The following SOX5 variants were observed in gnomAD, a reference collection of about 807,000 sequenced individuals.
SOX5 encodes the protein transcription factor SOX-5.
SOX5 carries 9 observed loss-of-function variants against 92.0 expected under a neutral mutation model. The ratio of observed to expected loss-of-function variants is 0.10; its 90% confidence interval spans 0.06 to 0.17. The LOEUF (loss-of-function observed/expected upper bound fraction) is 0.17. SOX5 is among the 10% of genes least tolerant of loss of function. SOX5 has a pLI of 1.00. For synonymous variants in SOX5, 344 were observed against 336.3 expected (o/e 1.02, Z -0.25); for missense variants, 642 against 944.5 (o/e 0.68, Z 4.20).
chr12:24,511,464 A>C (rs534937184), intron 1 of SOX5, among the ~76,000 whole-genome samples: 1 of 152,304 alleles, frequency 6.6e-6, no homozygotes, highest in Non-Finnish European at 1.5e-5. Context: ...ATCAAACTGC[A>C]TCAATGTATT....
At chr12:23,620,303 A>G (rs994194780) in intron 8 of SOX5, among the ~76,000 whole-genome samples, 1 of 152,118 alleles carries the variant, frequency 6.6e-6, no homozygotes, top group Non-Finnish European at 1.5e-5. Context: ...AATAAGAGGA[A>G]TGACAGAATT....
At chr12:24,507,176 A>C (rs114385999) in intron 1 of SOX5, among the ~76,000 whole-genome samples, 1 of 152,056 alleles carries the variant, frequency 6.6e-6, no homozygotes, top group Non-Finnish European at 1.5e-5. Context: ...ATAATCATCA[A>C]TGGATTAAAC....
chr12:23,578,171 C>T (rs1277777136), intron 9 of SOX5, among the ~76,000 whole-genome samples: 1 of 128,148 alleles, frequency 7.8e-6, no homozygotes, highest in South Asian at 2.6e-4. Flanking sequence ...AATATTATCC[C>T]TAATTGTTCA....
rs535013761 is a variant in SOX5 at position 23,655,014 on chromosome 12, A to T, written c.931+10430T>A. On this transcript the variant is annotated intron_variant, in intron 7 of 14. Transcript: ENST00000451604. ...TTATGACGTCTTAATGTAGCATAGC[A>T]AATGAAAACTTTATCCTATTTAATT... Among the ~76,000 whole-genome samples the T allele has an allele frequency of 7.9e-5, 12 of 152,230 alleles. No homozygotes were observed. In the East Asian group the frequency reaches 1.4e-3, roughly 17 times the overall value.
intron 3 of SOX5, among the ~76,000 whole-genome samples, chr12:24,236,268 C>A (rs922463590): frequency 6.6e-6 from 1 of 152,114 alleles, no homozygotes. Context: ...GGTGAAAGAA[C>A]TTGTGTCATT....
chr12:24,367,615 T>C (rs527306714), intron 2 of SOX5, among the ~76,000 whole-genome samples: 45 of 152,296 alleles, frequency 3.0e-4, no homozygotes, highest in Admixed American at 2.5e-3. Flanking sequence ...ATGATGGATA[T>C]GGTTTATGTA....
At chr12:23,994,853 G>A (rs993990886) in intron 4 of SOX5, among the ~76,000 whole-genome samples, 2 of 152,200 alleles carry the variant, frequency 1.3e-5, no homozygotes, top group African/African-American at 4.8e-5. Context: ...GGTCTAACGT[G>A]AGAAATCAAG....
At chr12:24,233,428 C>T (rs907291103) in intron 3 of SOX5, among the ~76,000 whole-genome samples, 2 of 152,004 alleles carry the variant, frequency 1.3e-5, no homozygotes, top group Non-Finnish European at 2.9e-5. Flanking sequence ...TAGCTTAATA[C>T]AATGAACTAA....
At chr12:23,870,840 TTATG>T (rs1032107195) in intron 2 of SOX5, among the ~76,000 whole-genome samples, 4 of 152,172 alleles carry the variant, frequency 2.6e-5, no homozygotes, top group African/African-American at 9.6e-5. Context: ...CTATTTCTAC[TTATG>T]TAAGATTTAC....
Position 24,031,552 on chromosome 12 carries a change from G to A in SOX5, c.-1-135528C>T, listed in dbSNP as rs963043116. Among the ~76,000 whole-genome samples the A allele has an allele frequency of 2.0e-5, 3 of 151,864 alleles. 1 individual carries two copies. The South Asian group carries it at 6.2e-4, about 31-fold the overall frequency. The stretch of plus-strand genomic sequence containing the variant: ...AGAGGTGGATGAAGGAGGCTGGGGA[G>A]TTGCTGGTCAAAAAATATATTTTAA... On this transcript the variant is annotated intron_variant, in intron 4 of 4. Coordinates refer to the SOX5 transcript ENST00000446891.
chr12:23,543,591 A>T (rs1942538262), intron 12 of SOX5, among the ~76,000 whole-genome samples: 1 of 152,190 alleles, frequency 6.6e-6, no homozygotes, highest in Non-Finnish European at 1.5e-5. Flanking sequence ...TTTTTAACCA[A>T]TTTCTAATCT....
At chr12:24,253,343 T>G (rs73058486) in intron 3 of SOX5, among the ~76,000 whole-genome samples, 10 of 152,040 alleles carry the variant, frequency 6.6e-5, no homozygotes, top group Admixed American at 4.6e-4. Flanking sequence ...GATTCAACTT[T>G]TATTGATTAT....
intron 1 of SOX5, among the ~76,000 whole-genome samples, chr12:24,373,174 A>C (rs1394744457): frequency 6.6e-6 from 1 of 152,088 alleles, no homozygotes; most frequent in African/African-American, 2.4e-5. Flanking sequence ...TGCAAAGTCT[A>C]AGTATTTGGA....
intron 10 of SOX5, among the ~76,000 whole-genome samples, chr12:23,574,347 G>A (rs1948808925): frequency 6.6e-6 from 1 of 151,974 alleles, no homozygotes; most frequent in African/African-American, 2.4e-5. Flanking sequence ...ATAGTTCCTT[G>A]TGCTGCAAAT....
chr12:23,608,413 T>G (rs1408456784), intron 8 of SOX5, among the ~76,000 whole-genome samples: 1 of 152,208 alleles, frequency 6.6e-6, no homozygotes, highest in East Asian at 1.9e-4. Flanking sequence ...AGGTTAGAAT[T>G]TATTATTGAT....
intron 4 of SOX5, among the ~76,000 whole-genome samples, chr12:24,108,663 CATA>C (rs1398137848): frequency 7.2e-5 from 11 of 152,096 alleles, no homozygotes; most frequent in Non-Finnish European, 1.3e-4. Flanking sequence ...TCTGGCCTTT[CATA>C]ATATCAGAAA....
chr12:23,688,537 T>C (rs2088086893), intron 6 of SOX5, among the ~76,000 whole-genome samples: 1 of 152,030 alleles, frequency 6.6e-6, no homozygotes. Context: ...GTTATATGAG[T>C]GGCCTAACCA....
intron 1 of SOX5, among the ~76,000 whole-genome samples, chr12:24,544,089 A>G (rs76522424): frequency 0.013 from 2,031 of 152,330 alleles, 33 homozygotes; most frequent in African/African-American, 0.044. Context: ...CAAGAAATTT[A>G]AAGCAACCAG....
At chr12:23,941,097 A>T (rs997779658) in intron 1 of SOX5, among the ~76,000 whole-genome samples, 1 of 151,658 alleles carries the variant, frequency 6.6e-6, no homozygotes, top group East Asian at 1.9e-4. Context: ...CTGCAGCTTC[A>T]TTAGAATTTG....
Sources: allele counts gnomAD v4.1 joint callset (sites outside exome capture counted in the v4.1 genomes callset), GRCh38; gene constraint gnomAD v4.1.1; transcripts MANE v1.5; gene names NCBI Gene and HGNC (gene_info 2026-07-23, HGNC 2026-07-21).